The following MTUS2 variants were observed in gnomAD, a reference collection of about 807,000 sequenced individuals.
MTUS2 encodes microtubule associated scaffold protein 2.
Under a neutral mutation model 114.1 loss-of-function variants are expected in MTUS2, and 40 were observed. The observed-to-expected ratio is 0.35, with a 90% CI of 0.27 to 0.46. The LOEUF is 0.46. Among genes scored for constraint, MTUS2 ranks in the 20% least tolerant of loss-of-function variants. The pLI, the probability that MTUS2 is intolerant of heterozygous loss-of-function variation, is 1.00. For missense variants in MTUS2, 1,679 were observed against 1,705.4 expected, an observed-to-expected ratio of 0.98 and a Z score of 0.27; for synonymous variants, 688 against 672.0, an observed-to-expected ratio of 1.02 and a Z score of -0.37.
intron 2 of MTUS2, among the ~76,000 whole-genome samples, chr13:28,925,333 T>C (rs1488717254): frequency 6.6e-6 from 1 of 152,208 alleles, no homozygotes; most frequent in African/African-American, 2.4e-5. Flanking sequence ...CCTGTATTTT[T>C]CTGTTTTATG....
At chr13:29,081,214 C>G (rs946311080) in intron 4 of MTUS2, among the ~76,000 whole-genome samples, 2 of 151,986 alleles carry the variant, frequency 1.3e-5, no homozygotes, top group Non-Finnish European at 2.9e-5. Flanking sequence ...GTTTGACTTT[C>G]CCACAAGCAC....
At chr13:29,234,194 A>C (rs1318573234) in intron 5 of MTUS2, among the ~76,000 whole-genome samples, 1 of 152,178 alleles carries the variant, frequency 6.6e-6, no homozygotes, top group African/African-American at 2.4e-5. Context: ...TCGATTTTTC[A>C]CTTCAAAGAT....
chr13:29,292,825 A>T (rs1593269234), intron 6 of MTUS2, among the ~76,000 whole-genome samples: 1 of 152,186 alleles, frequency 6.6e-6, no homozygotes, highest in Admixed American at 6.5e-5. Flanking sequence ...AAGCATGACA[A>T]AACTAGGCTT....
rs138021530 is a variant in MTUS2 at position 29,300,088 on chromosome 13, A to G, written c.2806+18223A>G. On this transcript the variant is annotated intron_variant, in intron 6 of 15. Transcript: ENST00000612955. Reference sequence around the variant, plus strand: ...AGAATCCAAGTAAGGGAAAAGATCCATTTATCTTTCTCTGCTATGCCTTTT... The same window carrying G: ...AGAATCCAAGTAAGGGAAAAGATCCGTTTATCTTTCTCTGCTATGCCTTTT... Among the ~76,000 whole-genome samples the G allele has an allele frequency of 5.8e-3, 878 of 152,322 alleles. 7 individuals carry two copies. Among genetic ancestry groups the G allele is most frequent in the African/African-American group, 0.02 (840 of 41,570 alleles).
chr13:29,063,145 G>T lies in MTUS2; in HGVS notation c.2446+29020G>T, dbSNP rs762707171. ...TTGTTAGAATCCTCATTTCTAAGAA[G>T]TAAAAAGGCAGTACTTTTCTACACT... is the stretch of plus-strand genomic sequence containing the variant. On this transcript the variant is annotated intron_variant, in intron 4 of 15. Transcript: ENST00000612955. Among the ~76,000 whole-genome samples the T allele has an allele frequency of 5.5e-4, 84 of 152,252 alleles. 3 individuals carry two copies. The highest frequency in any genetic ancestry group is 3.4e-3 in the Middle Eastern group (1 of 294).
intron 2 of MTUS2, among the ~76,000 whole-genome samples, chr13:28,925,621 G>T (rs1327562271): frequency 6.6e-6 from 1 of 152,094 alleles, no homozygotes; most frequent in Non-Finnish European, 1.5e-5. Flanking sequence ...AAGGACCCAG[G>T]GCTGAGTTCA....
chr13:29,428,007 G>A (rs1324333832), intron 8 of MTUS2, among the ~76,000 whole-genome samples: 1 of 152,054 alleles, frequency 6.6e-6, no homozygotes, highest in Non-Finnish European at 1.5e-5. Context: ...GTCCTTCAAG[G>A]CTTTTATGCC....
At position 29,487,911 on chromosome 13, in the gene MTUS2, C is replaced by A. The variant is rs1441262301; in HGVS notation, c.3411C>A (p.Leu1137=). The change falls in exon 11 of 16, where the codon CTC becomes CTA. Residue 1137 remains leucine, a synonymous_variant. Coordinates refer to ENST00000612955, the MANE Select transcript of MTUS2 (RefSeq NM_001033602.4). ...CGACTCTCCTCCAGGTGGAAGATCT[C>A]ACCGCCAGCCATGATGCTGCTCTCC... ...RCQHQEQVED[L]TASHDAALLE... 3 of 1,613,776 alleles carry A rather than the reference C, an allele frequency of 1.9e-6. No individual in the cohort carries two copies. Among genetic ancestry groups the A allele is most frequent in the African/African-American group, 2.7e-5 (2 of 74,926 alleles).
chr13:29,478,241 G>T (rs911780753), intron 9 of MTUS2, among the ~76,000 whole-genome samples: 2 of 152,206 alleles, frequency 1.3e-5, no homozygotes, highest in South Asian at 4.1e-4. Flanking sequence ...GGAGTAACTC[G>T]TGAAACTGAA....
chr13:28,882,644 AG>A (rs1476534181), intron 2 of MTUS2, among the ~76,000 whole-genome samples: 2 of 152,158 alleles, frequency 1.3e-5, no homozygotes, highest in Non-Finnish European at 1.5e-5. Context: ...GGCTGAGGCA[AG>A]AAGCTCACTT....
At chr13:28,897,816 A>G (rs1879373574) in intron 2 of MTUS2, among the ~76,000 whole-genome samples, 1 of 149,880 alleles carries the variant, frequency 6.7e-6, no homozygotes, top group South Asian at 2.2e-4. Context: ...AAAACCAAAC[A>G]CCGCATGTTC....
rs1420791523 is a variant in MTUS2, at chr13:29,496,577, G to T, written c.3580-661G>T. On this transcript the variant is annotated intron_variant, in intron 12 of 15. Coordinates refer to ENST00000612955, the MANE Select transcript of MTUS2 (RefSeq NM_001033602.4). The surrounding 1 kb of genome is among the most constrained non-coding windows in gnomAD (Gnocchi z 4.3). ...GGAGGAGGAGATAGGGGAAGGACAG[G>T]TTCCGGTTTGCACATTAGAAAGAGT... 1 of 152,938 alleles carries T rather than the reference G, an allele frequency of 6.5e-6. No individual in the cohort carries two copies. The highest frequency in any genetic ancestry group is 1.5e-5 in the Non-Finnish European group (1 of 68,422). 9.5% of individuals were successfully genotyped at this position (152,938 alleles called of 1,614,324 possible). A position where few individuals can be genotyped will look rare whatever the true frequency, so the allele number is the denominator to read the frequency against.
chr13:29,371,826 T>C (rs9578090), intron 8 of MTUS2, among the ~76,000 whole-genome samples: 1 of 151,990 alleles, frequency 6.6e-6, no homozygotes, highest in East Asian at 1.9e-4. Flanking sequence ...TTCCTTGCCA[T>C]AGGTCTCATG....
At chr13:29,445,515 G>A (rs1374642435) in intron 9 of MTUS2, among the ~76,000 whole-genome samples, 1 of 152,144 alleles carries the variant, frequency 6.6e-6, no homozygotes, top group Non-Finnish European at 1.5e-5. Context: ...ATATGGCAGG[G>A]GGTGAGGTGG....
chr13:29,136,156 C>T lies in MTUS2; in HGVS notation c.2644+35186C>T, dbSNP rs117502651. ...GTTACTGTCTAATGTCCTTTCGTTT[C>T]AACCTGCCCTCCTTTTAGCATTTCT... On this transcript the variant is annotated intron_variant, in intron 5 of 15. Coordinates refer to ENST00000612955, the MANE Select transcript of MTUS2 (RefSeq NM_001033602.4). Among the ~76,000 whole-genome samples, 3 of 152,270 alleles carry T rather than the reference C, an allele frequency of 2.0e-5. No individual in the cohort carries two copies. The East Asian group carries it at 5.8e-4, about 29-fold the overall frequency.
chr13:29,387,787 G>A (rs764263746), intron 8 of MTUS2, among the ~76,000 whole-genome samples: 5 of 152,134 alleles, frequency 3.3e-5, no homozygotes, highest in Non-Finnish European at 5.9e-5. Flanking sequence ...CTTAATGCTC[G>A]CATGGCAAAG....
chr13:29,187,896 C>T (rs1398652495), intron 5 of MTUS2, among the ~76,000 whole-genome samples: 1 of 152,168 alleles, frequency 6.6e-6, no homozygotes, highest in Non-Finnish European at 1.5e-5. Flanking sequence ...CCAAACCTCT[C>T]CCATCTGTTC....
At chr13:28,963,861 C>G (rs1316635472) in intron 2 of MTUS2, among the ~76,000 whole-genome samples, 1 of 152,108 alleles carries the variant, frequency 6.6e-6, no homozygotes, top group Non-Finnish European at 1.5e-5. Flanking sequence ...GGCATTCACC[C>G]TCCTTCTTGA....
intron 7 of MTUS2, among the ~76,000 whole-genome samples, chr13:29,349,472 A>AT (rs1869037290): frequency 6.6e-6 from 1 of 152,012 alleles, no homozygotes; most frequent in South Asian, 2.1e-4. Flanking sequence ...TTTAATTGCC[A>AT]TTTTTAGTAT....
Sources: allele counts gnomAD v4.1 joint callset (sites outside exome capture counted in the v4.1 genomes callset), GRCh38; gene constraint gnomAD v4.1.1; non-coding constraint Gnocchi (gnomAD v3.1); transcripts MANE v1.5; gene names NCBI Gene and HGNC (gene_info 2026-07-23, HGNC 2026-07-21).